The following LRRC51 variants were observed in gnomAD, a reference collection of about 807,000 sequenced individuals.
The protein encoded by LRRC51 is leucine-rich repeat-containing protein 51.
LRRC51 carries 8 observed loss-of-function variants against 17.8 expected under a neutral mutation model. The observed-to-expected ratio is 0.45, with a 90% CI of 0.26 to 0.81. The LOEUF (loss-of-function observed/expected upper bound fraction) is 0.81, where lower values mean the gene tolerates loss of function less well. Ranked by LOEUF, LRRC51 falls within the 30% of genes least tolerant of loss-of-function variation. The pLI is 0.17. For missense variants in LRRC51, 233 were observed against 239.3 expected (o/e 0.97, Z 0.17); for synonymous variants, 92 against 96.0 (o/e 0.96, Z 0.24).
chr11:72,085,199 T>C (rs575036696), intron 1 of LRRC51, among the ~76,000 whole-genome samples: 1 of 152,288 alleles, frequency 6.6e-6, no homozygotes, highest in East Asian at 1.9e-4. Flanking sequence ...GAATAGCAGA[T>C]GGGAAAGACT....
chr11:72,081,760 C>T (rs1944220653), intron 1 of LRRC51, among the ~76,000 whole-genome samples: 1 of 152,132 alleles, frequency 6.6e-6, no homozygotes, highest in African/African-American at 2.4e-5. Context: ...ACACCTTCTC[C>T]GTGGTCCGCT....
rs1332529470 is a variant in LRRC51, at chr11:72,095,064, TG to T, written c.408del (p.Asn137ThrfsTer42). 6.2e-7 allele frequency: 1 copy of T among 1,613,962 alleles called. No individual in the cohort carries two copies. The highest frequency in any genetic ancestry group is 1.1e-5 in the South Asian group (1 of 91,068). On this transcript the variant is annotated frameshift_variant, in exon 5 of 6. Coordinates refer to ENST00000289488, the MANE Select transcript of LRRC51 (RefSeq NM_145309.6). LOFTEE classifies it high-confidence loss of function. ...CTCGGCTCCGTAGCCTGACACTCCA[TG>T]GGAACCCCATGGAGGAAGAGAAAGG... ...LPRLRSLTLH[G>X]NPMEEEKGYR... is the part of the protein sequence containing the mutation.
intron 1 of LRRC51, among the ~76,000 whole-genome samples, chr11:72,087,229 C>G (rs771377568): frequency 2.7e-5 from 4 of 150,720 alleles, no homozygotes; most frequent in Non-Finnish European, 4.4e-5. Flanking sequence ...TTTACATGAA[C>G]TGTATTAGGC....
At chr11:72,089,428 G>C in intron 3 of LRRC51, 1 of 1,396,620 alleles carries the variant, frequency 7.2e-7, no homozygotes, top group Non-Finnish European at 9.4e-7. Flanking sequence ...AAATCTGAAA[G>C]GAAACAGGGG....
chr11:72,095,270 A>G (rs1591166086), intron 5 of LRRC51, 109 bp from the exon 6 acceptor site: 1 of 1,601,202 alleles, frequency 6.2e-7, no homozygotes, highest in East Asian at 2.3e-5. Context: ...TTCCCAAACT[A>G]TGCTCAAGTC....
At chr11:72,086,101 C>A (rs542206517) in intron 1 of LRRC51, 2 of 310,434 alleles carry the variant, frequency 6.4e-6, no homozygotes, top group South Asian at 1.3e-4. Context: ...ACAGGGGAGA[C>A]CATGAATAGG....
At chr11:72,084,641 A>C (rs1252832289) in intron 1 of LRRC51, among the ~76,000 whole-genome samples, 1 of 152,170 alleles carries the variant, frequency 6.6e-6, no homozygotes, top group Non-Finnish European at 1.5e-5. Flanking sequence ...GTTTGAGACC[A>C]GCCTAAGCAA....
chr11:72,091,311 G>C (rs189855137), intron 3 of LRRC51, among the ~76,000 whole-genome samples: 22 of 152,192 alleles, frequency 1.4e-4, no homozygotes, highest in Admixed American at 6.5e-4. Flanking sequence ...TTCTAAGGAG[G>C]TATGGGGAGG....
Position 72,096,882 on chromosome 11 carries a change from C to T in LRRC51, c.*1362C>T. 2 of 1,272,156 alleles carry T rather than the reference C, an allele frequency of 1.6e-6. No individual in the cohort carries two copies. Among genetic ancestry groups the T allele is most frequent in the Non-Finnish European group, 1.0e-6 (1 of 1,002,982 alleles). The allele number at this position is 1,272,156 out of a possible 1,614,324, so 78.8% of individuals were successfully genotyped here. A position where few individuals can be genotyped will look rare whatever the true frequency, so the allele number is the denominator to read the frequency against. On this transcript the variant is annotated 3_prime_UTR_variant, in exon 6 of 6. Transcript: ENST00000289488. Reference sequence around the variant, plus strand: ...TAAGATTTCATTTGATAAAAAGAATCTTCTGCTTAAAAACATTTGCTTGCT... The same window carrying T: ...TAAGATTTCATTTGATAAAAAGAATTTTCTGCTTAAAAACATTTGCTTGCT...
rs1179783220 is a variant in LRRC51, at chr11:72,085,477, T to C, written c.-139-2820T>C. The C allele has an allele frequency of 2.6e-5, 4 of 151,578 alleles. No homozygotes were observed. In the East Asian group the frequency reaches 5.8e-4, roughly 22 times the overall value. 9.4% of individuals were successfully genotyped at this position (151,578 alleles called of 1,614,324 possible). On this transcript the variant is annotated intron_variant, in intron 1 of 5. Coordinates refer to ENST00000289488, the MANE Select transcript of LRRC51 (RefSeq NM_145309.6). ...AGTCTTGTCCCTGTCCTCAAGCTTA[T>C]AGGGAGTAAACAAAGTTGGTTATAA...
At chr11:72,082,104 G>C (rs1397986731) in intron 1 of LRRC51, among the ~76,000 whole-genome samples, 1 of 152,172 alleles carries the variant, frequency 6.6e-6, no homozygotes, top group Non-Finnish European at 1.5e-5. Flanking sequence ...AAAGGAACCT[G>C]TGTGGCCTAC....
At chr11:72,094,880 G>A (rs1252589245) in intron 4 of LRRC51, 68 bp from the exon 5 acceptor site, 2 of 1,614,036 alleles carry the variant, frequency 1.2e-6, no homozygotes, top group Non-Finnish European at 1.7e-6. Flanking sequence ...CTGCCCACGA[G>A]TCAGCCCTGA....
Position 72,093,589 on chromosome 11 carries a change from A to G in LRRC51, c.176A>G (p.Asn59Ser), listed in dbSNP as rs750620362. The G allele has an allele frequency of 5.6e-6, 9 of 1,614,088 alleles. No individual in the cohort carries two copies. Among genetic ancestry groups the G allele is most frequent in the African/African-American group, 5.3e-5 (4 of 74,910 alleles). The change falls in exon 4 of 6, where the codon AAT becomes AGT. Residue 59 changes from asparagine (N) to serine (S), a missense_variant. By Grantham distance (46) the Asn-to-Ser change is conservative. Coordinates refer to ENST00000289488, the MANE Select transcript of LRRC51 (RefSeq NM_145309.6). ...ACCCAGTCCCTGTGGCTGAATAACA[A>G]TGTTCTCAATGATCTGAGAGACTTC... ...SLTQSLWLNN[N>S]VLNDLRDFNQ... is the part of the protein sequence containing the mutation.
chr11:72,093,843 A>T (rs1945003384), intron 4 of LRRC51, 142 bp downstream of exon 4: 1 of 813,600 alleles, frequency 1.2e-6, no homozygotes, highest in Non-Finnish European at 2.1e-6. Flanking sequence ...GGGGCCAGAC[A>T]GATAGATGTA....
At chr11:72,091,627 A>G (rs1944864988) in intron 3 of LRRC51, among the ~76,000 whole-genome samples, 1 of 152,216 alleles carries the variant, frequency 6.6e-6, no homozygotes, top group Admixed American at 6.5e-5. Flanking sequence ...CTCATTTTGA[A>G]AAAGTGGGAG....
intron 4 of LRRC51, 30 bp downstream of exon 4, chr11:72,093,731 G>A (rs769739365): frequency 1.9e-6 from 3 of 1,610,692 alleles, no homozygotes; most frequent in Admixed American, 3.3e-5. Context: ...AATCCAGTCA[G>A]GGGAGCCTGA....
At chr11:72,095,176 C>G in intron 5 of LRRC51, 80 bp downstream of exon 5, 1 of 1,580,828 alleles carries the variant, frequency 6.3e-7, no homozygotes, top group Non-Finnish European at 8.6e-7. Flanking sequence ...AAATCTACGA[C>G]CATTCTTCTG....
intron 4 of LRRC51, chr11:72,094,361 A>G (rs183771627): frequency 1.0e-4 from 28 of 271,248 alleles, no homozygotes. Flanking sequence ...GTAAAATTCT[A>G]ACTGTCACTG....
chr11:72,092,136 A>T (rs756232704), intron 3 of LRRC51, among the ~76,000 whole-genome samples: 34 of 150,488 alleles, frequency 2.3e-4, no homozygotes, highest in African/African-American at 8.3e-4. Context: ...CCCTACCCTC[A>T]CTCTCCCTGA....
Sources: allele counts gnomAD v4.1 joint callset (sites outside exome capture counted in the v4.1 genomes callset), GRCh38; gene constraint gnomAD v4.1.1; transcripts MANE v1.5; gene names NCBI Gene and HGNC (gene_info 2026-07-23, HGNC 2026-07-21).